Variants in CACNA2D3 observed in about 807,000 individuals in gnomAD.
CACNA2D3 encodes calcium voltage-gated channel auxiliary subunit alpha2delta 3.
Under a neutral mutation model 160.6 loss-of-function variants are expected in CACNA2D3, and 60 were observed. That is an observed-to-expected ratio of 0.37 (90% CI 0.30 to 0.46). CACNA2D3 has a LOEUF of 0.46. Ranked by LOEUF, CACNA2D3 falls within the 20% of genes least tolerant of loss-of-function variation. The pLI is 1.00. For synonymous variants in CACNA2D3, 558 were observed against 492.9 expected, an observed-to-expected ratio of 1.13 and a Z score of -1.75; for missense variants, 1,205 against 1,365.0, an observed-to-expected ratio of 0.88 and a Z score of 1.85.
At chr3:54,878,816 A>G (rs1014588732) in intron 18 of CACNA2D3, 12 of 415,592 alleles carry the variant, frequency 2.9e-5, no homozygotes, top group African/African-American at 1.9e-4. Flanking sequence ...GAGCTCCCCA[A>G]ATTAAAGATG....
chr3:54,705,063 T>A (rs1416842757), intron 11 of CACNA2D3, among the ~76,000 whole-genome samples: 1 of 152,166 alleles, frequency 6.6e-6, no homozygotes, highest in African/African-American at 2.4e-5. Flanking sequence ...TGCACGGGTC[T>A]TCCTGCCTGA....
intron 9 of CACNA2D3, among the ~76,000 whole-genome samples, chr3:54,614,991 T>C (rs1044535726): frequency 7.2e-5 from 11 of 152,304 alleles, no homozygotes; most frequent in Admixed American, 2.0e-4. Flanking sequence ...GAGATCCTCA[T>C]TGATCACCTT....
chr3:54,500,029 T>C (rs1023629678), intron 4 of CACNA2D3, among the ~76,000 whole-genome samples: 4 of 152,208 alleles, frequency 2.6e-5, no homozygotes, highest in African/African-American at 9.6e-5. Context: ...CTGTTTCTCC[T>C]TGCAGTTCTA....
At chr3:54,226,885 A>G (rs1389710062) in intron 2 of CACNA2D3, among the ~76,000 whole-genome samples, 3 of 152,120 alleles carry the variant, frequency 2.0e-5, no homozygotes, top group African/African-American at 7.2e-5. Context: ...CTCCAAATAC[A>G]TATTATCTGT....
intron 2 of CACNA2D3, among the ~76,000 whole-genome samples, chr3:54,170,232 G>C (rs1489949099): frequency 6.6e-6 from 1 of 151,688 alleles, no homozygotes; most frequent in African/African-American, 2.4e-5. Flanking sequence ...GATGGCCTGG[G>C]AGTAGGCCAT....
intron 25 of CACNA2D3, among the ~76,000 whole-genome samples, chr3:54,892,702 C>G (rs2106871203): frequency 6.6e-6 from 1 of 152,236 alleles, no homozygotes; most frequent in Non-Finnish European, 1.5e-5. Context: ...TGTTAGGATC[C>G]AGATAGGCAA....
At chr3:54,203,875 A>AC (rs1170240388) in intron 2 of CACNA2D3, among the ~76,000 whole-genome samples, 9 of 151,784 alleles carry the variant, frequency 5.9e-5, no homozygotes, top group Admixed American at 6.6e-5. Context: ...TAGGCCCATG[A>AC]CAGGGGTATG....
At chr3:54,589,356 C>G (rs1471936739) in intron 9 of CACNA2D3, among the ~76,000 whole-genome samples, 1 of 152,014 alleles carries the variant, frequency 6.6e-6, no homozygotes, top group Non-Finnish European at 1.5e-5. Context: ...TTAACCTTGA[C>G]TCAAACCTCA....
At chr3:55,065,193 C>T (rs1704607492) in intron 35 of CACNA2D3, among the ~76,000 whole-genome samples, 3 of 152,176 alleles carry the variant, frequency 2.0e-5, no homozygotes. Context: ...CTGAACAGAT[C>T]CCACAGCACT....
intron 3 of CACNA2D3, 49 bp downstream of exon 3, chr3:54,320,607 G>A: frequency 1.1e-6 from 1 of 947,812 alleles, no homozygotes. Flanking sequence ...CACAAAGGCA[G>A]CTTCAGGGGA....
intron 9 of CACNA2D3, among the ~76,000 whole-genome samples, chr3:54,602,223 C>A (rs887626068): frequency 2.0e-5 from 3 of 152,104 alleles, no homozygotes; most frequent in Admixed American, 6.5e-5. Flanking sequence ...CAAGGCCAGG[C>A]GTGGTGGCTC....
intron 3 of CACNA2D3, among the ~76,000 whole-genome samples, chr3:54,328,210 C>A (rs898420385): frequency 2.0e-5 from 3 of 152,154 alleles, no homozygotes; most frequent in Non-Finnish European, 4.4e-5. Flanking sequence ...GCATTATCCT[C>A]TCTAGTATTT....
Position 54,662,622 on chromosome 3 carries a change from G to T in CACNA2D3, c.1167+20381G>T, listed in dbSNP as rs1014684599. 5.3e-5 allele frequency among the ~76,000 whole-genome samples: 8 copies of T among 152,178 alleles called. No homozygotes were observed. In the East Asian group the frequency reaches 1.5e-3, roughly 29 times the overall value. On this transcript the variant is annotated intron_variant, in intron 11 of 37. Coordinates refer to ENST00000474759, the MANE Select transcript of CACNA2D3 (RefSeq NM_018398.3). Reference sequence around the variant, plus strand: ...CCCCTGCCTCCTCCCTCAGCCTCAGGCCAGCAAGTGCGTCTGCTGGGCTTG... The same window carrying T: ...CCCCTGCCTCCTCCCTCAGCCTCAGTCCAGCAAGTGCGTCTGCTGGGCTTG...
At chr3:54,908,976 G>A (rs893057491) in intron 27 of CACNA2D3, among the ~76,000 whole-genome samples, 3 of 152,090 alleles carry the variant, frequency 2.0e-5, no homozygotes, top group Non-Finnish European at 4.4e-5. Context: ...AAAGAACAAC[G>A]AAAAAGGCTG....
At chr3:54,496,677 T>C (rs1405106401) in intron 4 of CACNA2D3, among the ~76,000 whole-genome samples, 1 of 152,202 alleles carries the variant, frequency 6.6e-6, no homozygotes, top group Non-Finnish European at 1.5e-5. Flanking sequence ...TTTTAAAATG[T>C]AAGTGCCTTC....
intron 11 of CACNA2D3, among the ~76,000 whole-genome samples, chr3:54,752,013 T>A (rs1701866467): frequency 6.6e-6 from 1 of 152,154 alleles, no homozygotes; most frequent in East Asian, 1.9e-4. Context: ...TTTTTACATT[T>A]GTTTTTTGCT....
intron 13 of CACNA2D3, among the ~76,000 whole-genome samples, chr3:54,796,712 C>A (rs1702873114): frequency 6.6e-6 from 1 of 152,186 alleles, no homozygotes; most frequent in Admixed American, 6.5e-5. Flanking sequence ...CAGCTCACAC[C>A]TCTACTCTGG....
At chr3:54,400,363 A>G (rs1357971470) in intron 4 of CACNA2D3, among the ~76,000 whole-genome samples, 1 of 151,740 alleles carries the variant, frequency 6.6e-6, no homozygotes, top group Non-Finnish European at 1.5e-5. Context: ...TGCCAAAATA[A>G]GCTCATGAAA....
In CACNA2D3 at chr3:54,999,824, A is replaced by G. The variant is rs560907091; in HGVS notation, c.2691-4939A>G. 7.8e-4 allele frequency among the ~76,000 whole-genome samples: 119 copies of G among 152,378 alleles called. 2 individuals carry two copies. In the South Asian group the frequency reaches 0.011, roughly 15 times the overall value. ...TTTGTCTAGTTGGAAAAGAAAGAACAGTATCAGCAAAATGGCTTTAAACAT... is the reference window on the plus strand; with the variant it reads ...TTTGTCTAGTTGGAAAAGAAAGAACGGTATCAGCAAAATGGCTTTAAACAT... On this transcript the variant is annotated intron_variant, in intron 31 of 37. Coordinates refer to ENST00000474759, the MANE Select transcript of CACNA2D3 (RefSeq NM_018398.3).
Sources: allele counts gnomAD v4.1 joint callset (sites outside exome capture counted in the v4.1 genomes callset), GRCh38; gene constraint gnomAD v4.1.1; transcripts MANE v1.5; gene names NCBI Gene and HGNC (gene_info 2026-07-23, HGNC 2026-07-21).